FAM227B: variants seen among roughly 807,000 people sequenced by gnomAD.
FAM227B encodes the protein protein FAM227B.
FAM227B carries 88 observed loss-of-function variants against 73.8 expected under a neutral mutation model. The observed-to-expected ratio is 1.19, with a 90% CI of 1.00 to 1.42. FAM227B has a LOEUF of 1.42. Ranked by LOEUF, FAM227B falls within the 40% of genes most tolerant of loss-of-function variation. The pLI is 0.00. For missense variants in FAM227B, 632 were observed against 590.9 expected, an observed-to-expected ratio of 1.07 and a Z score of -0.72; for synonymous variants, 210 against 190.5, an observed-to-expected ratio of 1.10 and a Z score of -0.84.
chr15:49,384,271 C>T (rs1351423513), intron 11 of FAM227B, among the ~76,000 whole-genome samples: 1 of 152,014 alleles, frequency 6.6e-6, no homozygotes, highest in Non-Finnish European at 1.5e-5. Context: ...GTATGAACTC[C>T]TCAATTTCTC....
At chr15:49,414,124 C>T (rs764441884) in intron 11 of FAM227B, among the ~76,000 whole-genome samples, 7 of 152,046 alleles carry the variant, frequency 4.6e-5, no homozygotes, top group African/African-American at 1.7e-4. Flanking sequence ...ATAATGCACA[C>T]TATTCGAATA....
chr15:49,368,790 G>C (rs1042275072), intron 12 of FAM227B, among the ~76,000 whole-genome samples: 1 of 152,096 alleles, frequency 6.6e-6, no homozygotes, highest in African/African-American at 2.4e-5. Flanking sequence ...TAAAATTCTA[G>C]AAATAGACAT....
chr15:49,540,096 A>G (rs1415236041), intron 10 of FAM227B, among the ~76,000 whole-genome samples: 1 of 152,110 alleles, frequency 6.6e-6, no homozygotes, highest in Middle Eastern at 3.2e-3. Context: ...CAGGAGGTCA[A>G]AACAGCAATG....
intron 11 of FAM227B, among the ~76,000 whole-genome samples, chr15:49,469,208 G>C (rs187518921): frequency 2.6e-4 from 40 of 152,134 alleles, no homozygotes; most frequent in Non-Finnish European, 4.9e-4. Flanking sequence ...TATAACAGTT[G>C]ATATAAAATT....
chr15:49,336,252 T>G (rs1156622412), intron 13 of FAM227B, among the ~76,000 whole-genome samples: 1 of 152,258 alleles, frequency 6.6e-6, no homozygotes, highest in East Asian at 1.9e-4. Flanking sequence ...TGTCCAAGTA[T>G]GTTGCTAATG....
At chr15:49,595,466 G>C (rs2076834452) in intron 3 of FAM227B, among the ~76,000 whole-genome samples, 1 of 151,824 alleles carries the variant, frequency 6.6e-6, no homozygotes, top group African/African-American at 2.4e-5. Context: ...TTCTAGCTAG[G>C]ACTTCAGTAC....
intron 11 of FAM227B, among the ~76,000 whole-genome samples, chr15:49,493,461 G>A (rs1462935148): frequency 6.6e-6 from 1 of 151,766 alleles, no homozygotes; most frequent in Non-Finnish European, 1.5e-5. Context: ...TGTCTATATT[G>A]TCTCTATCAT....
chr15:49,599,123 C>T (rs1003541479), intron 3 of FAM227B, among the ~76,000 whole-genome samples: 26 of 151,972 alleles, frequency 1.7e-4, no homozygotes, highest in Non-Finnish European at 3.5e-4. Flanking sequence ...TCTCTTTACT[C>T]ATTATTGGTC....
chr15:49,531,520 C>T (rs2060607728), intron 10 of FAM227B, among the ~76,000 whole-genome samples: 1 of 151,896 alleles, frequency 6.6e-6, no homozygotes, highest in Non-Finnish European at 1.5e-5. Context: ...TATAAAAACA[C>T]AAAATATCTC....
At chr15:49,616,257 T>C (rs183506433) in intron 1 of FAM227B, among the ~76,000 whole-genome samples, 12 of 152,306 alleles carry the variant, frequency 7.9e-5, no homozygotes, top group Admixed American at 7.2e-4. Context: ...TCTAATATGA[T>C]TGGTGTCATT....
chr15:49,588,452 T>C (rs1438293310), intron 4 of FAM227B, among the ~76,000 whole-genome samples: 2 of 149,154 alleles, frequency 1.3e-5, no homozygotes, highest in Non-Finnish European at 3.0e-5. Flanking sequence ...AGTGCAGTAC[T>C]GTGGAGCAGG....
intron 10 of FAM227B, among the ~76,000 whole-genome samples, chr15:49,526,650 G>A (rs2060226029): frequency 1.3e-5 from 2 of 151,832 alleles, no homozygotes; most frequent in East Asian, 1.9e-4. Context: ...AGACCATTAG[G>A]TAGATTTGCC....
intron 2 of FAM227B, among the ~76,000 whole-genome samples, chr15:49,613,487 C>T (rs118018403): frequency 0.017 from 2,607 of 152,110 alleles, 36 homozygotes; most frequent in Middle Eastern, 0.037. Context: ...GGTGACAGAG[C>T]GAGACTCTCT....
intron 11 of FAM227B, chr15:49,485,669 C>T (rs188586834): frequency 4.6e-5 from 7 of 152,534 alleles, no homozygotes; most frequent in Non-Finnish European, 1.5e-5. Context: ...ATAGATGTCT[C>T]ACACAGAACA....
At chr15:49,434,205 A>G (rs2050876277) in intron 11 of FAM227B, among the ~76,000 whole-genome samples, 1 of 151,680 alleles carries the variant, frequency 6.6e-6, no homozygotes, top group Non-Finnish European at 1.5e-5. Flanking sequence ...CTCTCATAGG[A>G]AGGTCACTTG....
chr15:49,575,751 A>G (rs2075401766), intron 7 of FAM227B, among the ~76,000 whole-genome samples: 1 of 152,146 alleles, frequency 6.6e-6, no homozygotes, highest in African/African-American at 2.4e-5. Context: ...ACAAATATCA[A>G]CAATCAATCA....
chr15:49,456,927 A>T (rs555986519), intron 11 of FAM227B, among the ~76,000 whole-genome samples: 59 of 152,232 alleles, frequency 3.9e-4, no homozygotes, highest in African/African-American at 1.4e-3. Flanking sequence ...TTTAATTTTT[A>T]AAAAGATACC....
intron 11 of FAM227B, among the ~76,000 whole-genome samples, chr15:49,395,316 ATAG>A (rs1399874951): frequency 2.0e-5 from 3 of 152,186 alleles, no homozygotes; most frequent in South Asian, 2.1e-4. Context: ...TCAGTAAGAT[ATAG>A]TAGTTCTTGT....
intron 11 of FAM227B, among the ~76,000 whole-genome samples, chr15:49,506,020 A>G (rs2058559954): frequency 6.6e-6 from 1 of 152,038 alleles, no homozygotes; most frequent in Non-Finnish European, 1.5e-5. Context: ...AAAAAAAGAG[A>G]ATTATCACAG....
Sources: gnomAD v4.1 joint callset for allele counts (sites outside exome capture counted in the v4.1 genomes callset) on GRCh38, gnomAD v4.1.1 for gene constraint, MANE v1.5 for transcripts, NCBI Gene and HGNC (gene_info 2026-07-23, HGNC 2026-07-21) for gene names.